Variants in OR56A1 observed in about 807,000 individuals in gnomAD.
OR56A1 encodes olfactory receptor family 56 subfamily A member 1.
For missense variants in OR56A1, 360 were observed against 380.9 expected (o/e 0.94, Z 0.46); for synonymous variants, 174 against 159.1 (o/e 1.09, Z -0.70).
chr11:6,027,347 A>G lies in OR56A1; in HGVS notation c.346T>C (p.Cys116Arg), dbSNP rs776419634. The change falls in exon 2 of 2, where the codon TGC becomes CGC. Residue 116 changes from cysteine to arginine, a missense_variant. Cys to Arg is a radical substitution (Grantham distance 180). Coordinates refer to ENST00000641900, the MANE Select transcript of OR56A1 (RefSeq NM_001388488.1). ...TCATAGGCCATGACCATAAACGTGC[A>G]GGACTCCATGGGGAGGAAACTGTTC... is the stretch of plus-strand genomic sequence containing the variant. ...IMNSFLPMES[C>R]TFMVMAYDRY... is the part of the protein sequence containing the mutation. 2 of 1,614,236 alleles carry G rather than the reference A, an allele frequency of 1.2e-6. No individual in the cohort carries two copies. Among genetic ancestry groups the G allele is most frequent in the South Asian group, 1.1e-5 (1 of 91,084 alleles).
intron 1 of OR56A1, among the ~76,000 whole-genome samples, chr11:6,028,867 A>G (rs1239710512): frequency 6.6e-6 from 1 of 152,204 alleles, no homozygotes; most frequent in Non-Finnish European, 1.5e-5. Flanking sequence ...ACACAATAGC[A>G]AAGATATGGA....
rs1300085771 is a variant in OR56A1, at chr11:6,027,519, CAG to C, written c.172_173del (p.Leu58AlafsTer33). 6.2e-7 allele frequency: 1 copy of C among 1,613,952 alleles called. No individual in the cohort carries two copies. The highest frequency in any genetic ancestry group is 1.7e-5 in the Admixed American group (1 of 60,006). On this transcript the variant is annotated frameshift_variant, in exon 2 of 2. Transcript: ENST00000641900. LOFTEE classifies it low-confidence loss of function (END_TRUNC). ...TGAGCAGGTAGTACAGGGGCTGGTG[CAG>C]AGAGGCCTCCAGCTGGATGGTGATC... ...LLITIQLEAS[L>X]HQPLYYLLSL...
Position 6,022,296 on chromosome 11 carries a change from G to A in OR56A1, c.*4452C>T, listed in dbSNP as rs1382190626. The A allele has an allele frequency of 6.6e-6, 1 of 151,994 alleles. No homozygotes were observed. Among genetic ancestry groups the A allele is most frequent in the African/African-American group, 2.4e-5 (1 of 41,372 alleles). The allele number at this position is 151,994 out of a possible 1,614,324, so 9.4% of individuals were successfully genotyped here. On this transcript the variant is annotated 3_prime_UTR_variant, in exon 2 of 2. Transcript: ENST00000641900. ...CCCAGATTCAGAAGCACCAGTGAAG[G>A]TCTCTAAGAGCCCAGAACATGGAGG...
At chr11:6,032,298 G>T (rs1220592563), upstream of OR56A1, among the ~76,000 whole-genome samples, 2 of 152,140 alleles carry the variant, frequency 1.3e-5, no homozygotes, top group African/African-American at 4.8e-5. Context: ...ATATTCAGAA[G>T]GAAAGTAAGA....
Position 6,024,373 on chromosome 11 carries a change from A to G in OR56A1, c.*2375T>C, listed in dbSNP as rs1848426425. Reference sequence around the variant, plus strand: ...GTGTTGGCCATTTGCATTGATCTACAGAAGTCTGGTTCGGGAATTAAGATC... The same window carrying G: ...GTGTTGGCCATTTGCATTGATCTACGGAAGTCTGGTTCGGGAATTAAGATC... On this transcript the variant is annotated 3_prime_UTR_variant, in exon 2 of 2. Transcript: ENST00000641900. 6.6e-6 allele frequency: 1 copy of G among 152,200 alleles called. No homozygotes were observed. The highest frequency in any genetic ancestry group is 6.5e-5 in the Admixed American group (1 of 15,282). The allele number at this position is 152,200 out of a possible 1,614,324, so 9.4% of individuals were successfully genotyped here. A position where few individuals can be genotyped will look rare whatever the true frequency, so the allele number is the denominator to read the frequency against.
Position 6,021,177 on chromosome 11 carries a change from C to T in OR56A1, c.*5571G>A, listed in dbSNP as rs1173755403. On this transcript the variant is annotated 3_prime_UTR_variant, in exon 2 of 2. Coordinates refer to ENST00000641900, the MANE Select transcript of OR56A1 (RefSeq NM_001388488.1). ...ACTAGCACATTGAACTGACCTGATA[C>T]AGATAGATCAAAAACCTATTAGGCC... 3.3e-5 allele frequency: 5 copies of T among 151,964 alleles called. No individual in the cohort carries two copies. The East Asian group carries it at 7.7e-4, about 23-fold the overall frequency. 9.4% of individuals were successfully genotyped at this position (151,964 alleles called of 1,614,324 possible). A position where few individuals can be genotyped will look rare whatever the true frequency, so the allele number is the denominator to read the frequency against.
rs1181410002 is a variant in OR56A1, at chr11:6,021,999, T to C, written c.*4749A>G. 6.6e-6 allele frequency: 1 copy of C among 152,168 alleles called. No homozygotes were observed. The allele number at this position is 152,168 out of a possible 1,614,324, so 9.4% of individuals were successfully genotyped here. On this transcript the variant is annotated 3_prime_UTR_variant, in exon 2 of 2. Coordinates refer to ENST00000641900, the MANE Select transcript of OR56A1 (RefSeq NM_001388488.1). ...AAAGAGAAATCACAATGGGATCTGATGGAGAAGGCCACACACATCTGTAGG... is the reference window on the plus strand; with the variant it reads ...AAAGAGAAATCACAATGGGATCTGACGGAGAAGGCCACACACATCTGTAGG...
upstream of OR56A1, among the ~76,000 whole-genome samples, chr11:6,033,695 T>C (rs73406044): frequency 5.8e-3 from 879 of 151,918 alleles, 12 homozygotes; most frequent in African/African-American, 0.02. Flanking sequence ...AAAACAAGAA[T>C]ATCAATGATA....
At chr11:6,028,680 A>G (rs117726300) in intron 1 of OR56A1, among the ~76,000 whole-genome samples, 3,091 of 152,306 alleles carry the variant, frequency 0.02, 53 homozygotes, top group Admixed American at 0.032. Context: ...TTTATATGCA[A>G]TTGGTGGGAA....
chr11:6,029,588 C>T (rs1171841497), intron 1 of OR56A1, among the ~76,000 whole-genome samples: 4 of 152,160 alleles, frequency 2.6e-5, no homozygotes, highest in African/African-American at 9.7e-5. Flanking sequence ...ATTGTTAAAT[C>T]TTGTTGAAAC....
In OR56A1 at chr11:6,023,958, T is replaced by A. The variant is rs922172886; in HGVS notation, c.*2790A>T. 6.6e-6 allele frequency: 1 copy of A among 152,188 alleles called. No homozygotes were observed. Among genetic ancestry groups the A allele is most frequent in the East Asian group, 1.9e-4 (1 of 5,186 alleles). The allele number at this position is 152,188 out of a possible 1,614,324, so 9.4% of individuals were successfully genotyped here. A position where few individuals can be genotyped will look rare whatever the true frequency, so the allele number is the denominator to read the frequency against. On this transcript the variant is annotated 3_prime_UTR_variant, in exon 2 of 2. Transcript: ENST00000641900. ...TACTTCAAAGCCTATCTAGGACCCT[T>A]GAGACCAGTTATTTTACCACTTGCA...
Position 6,027,099 on chromosome 11 carries a change from G to T in OR56A1, c.594C>A (p.Asn198Lys), listed in dbSNP as rs1415427175. The change falls in exon 2 of 2, where the codon AAC (asparagine) becomes AAA (lysine). Residue 198 changes from asparagine to lysine, a missense_variant. By Grantham distance (94) the Asn-to-Lys change is moderately conservative. Coordinates refer to ENST00000641900, the MANE Select transcript of OR56A1 (RefSeq NM_001388488.1). ...AACCAGCCACAAATTGGTAGATTCT[G>T]TTAAGGGTGAAATTATCACAGGAGA... is the stretch of plus-strand genomic sequence containing the variant. ...SRLSCDNFTL[N>K]RIYQFVAGWT... 1 of 1,614,076 alleles carries T rather than the reference G, an allele frequency of 6.2e-7. No homozygotes were observed. The highest frequency in any genetic ancestry group is 1.3e-5 in the African/African-American group (1 of 74,944).
At chr11:6,031,128 G>A (rs549564562), upstream of OR56A1, among the ~76,000 whole-genome samples, 63 of 152,272 alleles carry the variant, frequency 4.1e-4, 1 homozygote, top group Non-Finnish European at 8.1e-4. Context: ...GTAGTGTATT[G>A]AAGATATAAA....
chr11:6,030,030 G>T (rs1848497325), intron 1 of OR56A1, among the ~76,000 whole-genome samples: 1 of 152,124 alleles, frequency 6.6e-6, no homozygotes, highest in African/African-American at 2.4e-5. Flanking sequence ...CCAGCGCCCA[G>T]AAAATGTCTT....
intron 1 of OR56A1, among the ~76,000 whole-genome samples, chr11:6,028,884 C>T (rs537682826): frequency 1.3e-4 from 20 of 151,910 alleles, no homozygotes; most frequent in African/African-American, 4.6e-4. Context: ...TGGAATCAAC[C>T]CAAGAGTTCA....
In OR56A1 at chr11:6,023,177, T is replaced by A. The variant is rs968986350; in HGVS notation, c.*3571A>T. On this transcript the variant is annotated 3_prime_UTR_variant, in exon 2 of 2. Coordinates refer to ENST00000641900, the MANE Select transcript of OR56A1 (RefSeq NM_001388488.1). ...CACAAATAGCCACAAAGGGGCAATG[T>A]TGACTTGCCAACTATGAAGAGTTTG... The A allele has an allele frequency of 2.6e-5, 4 of 152,204 alleles. No individual in the cohort carries two copies. The highest frequency in any genetic ancestry group is 9.7e-5 in the African/African-American group (4 of 41,446). The allele number at this position is 152,204 out of a possible 1,614,324, so 9.4% of individuals were successfully genotyped here.
Position 6,022,845 on chromosome 11 carries a change from ATGT to A in OR56A1, c.*3900_*3902del, listed in dbSNP as rs1289207416. ...AATTTTTGGTTGAATAGGTGCAGAAATGTTGTTATTATATACAGTACTCAGCCA... is the reference window on the plus strand; with the variant it reads ...AATTTTTGGTTGAATAGGTGCAGAAATGTTATTATATACAGTACTCAGCCA... On this transcript the variant is annotated 3_prime_UTR_variant, in exon 2 of 2. Coordinates refer to ENST00000641900, the MANE Select transcript of OR56A1 (RefSeq NM_001388488.1). The A allele has an allele frequency of 3.3e-5, 5 of 152,124 alleles. No homozygotes were observed. The highest frequency in any genetic ancestry group is 5.9e-5 in the Non-Finnish European group (4 of 68,014). 9.4% of individuals were successfully genotyped at this position (152,124 alleles called of 1,614,324 possible).
At chr11:6,032,369 A>C (rs1848520837), upstream of OR56A1, among the ~76,000 whole-genome samples, 1 of 152,046 alleles carries the variant, frequency 6.6e-6, no homozygotes, top group African/African-American at 2.4e-5. Flanking sequence ...TTTATCTGTA[A>C]ACCTTAGCAT....
rs1341263180 is a variant in OR56A1, at chr11:6,027,369, G to T, written c.324C>A (p.Asn108Lys). 2.5e-6 allele frequency: 4 copies of T among 1,614,118 alleles called. No homozygotes were observed. The highest frequency in any genetic ancestry group is 2.5e-6 in the Non-Finnish European group (3 of 1,180,048). ...TGCAGGACTCCATGGGGAGGAAACTGTTCATGATGAACATCTGGAGGAAGC... is the reference window on the plus strand; with the variant it reads ...TGCAGGACTCCATGGGGAGGAAACTTTTCATGATGAACATCTGGAGGAAGC... ...PACFLQMFIM[N>K]SFLPMESCTF... Residue 108 changes from asparagine to lysine, a missense_variant, in exon 2 of 2, where the codon AAC (asparagine) becomes AAA (lysine). By Grantham distance (94) the Asn-to-Lys change is moderately conservative. Transcript: ENST00000641900.
Sources: allele counts gnomAD v4.1 joint callset (sites outside exome capture counted in the v4.1 genomes callset), GRCh38; gene constraint gnomAD v4.1.1; transcripts MANE v1.5; gene names NCBI Gene and HGNC (gene_info 2026-07-23, HGNC 2026-07-21).